The following NRCAM variants were observed in gnomAD, a reference collection of about 807,000 sequenced individuals.
NRCAM encodes NgCAM-related cell adhesion molecule.
In NRCAM, 83 loss-of-function variants were observed where a neutral mutation model predicts 156.5. That is an observed-to-expected ratio of 0.53 (90% CI 0.44 to 0.64). The LOEUF (loss-of-function observed/expected upper bound fraction) is 0.64, where lower values mean the gene tolerates loss of function less well. Ranked by LOEUF, NRCAM falls within the 30% of genes least tolerant of loss-of-function variation. The pLI is 0.00. For synonymous variants in NRCAM, 538 were observed against 563.9 expected (o/e 0.95, Z 0.65); for missense variants, 1,417 against 1,597.3 (o/e 0.89, Z 1.92).
chr7:108,413,936 G>T (rs908588800), intron 1 of NRCAM, among the ~76,000 whole-genome samples: 40 of 152,200 alleles, frequency 2.6e-4, no homozygotes, highest in African/African-American at 9.4e-4. Context: ...CTCTGACTCA[G>T]CCTCTGTCAT....
At chr7:108,340,977 C>T (rs762593219) in intron 2 of NRCAM, among the ~76,000 whole-genome samples, 32 of 152,254 alleles carry the variant, frequency 2.1e-4, no homozygotes, top group Admixed American at 7.8e-4. Context: ...AAAAGGCTAC[C>T]GCTTTAGTTA....
intron 2 of NRCAM, among the ~76,000 whole-genome samples, chr7:108,367,791 T>C (rs2099600890): frequency 6.6e-6 from 1 of 152,344 alleles, no homozygotes; most frequent in Middle Eastern, 3.4e-3. Context: ...CAATGTGTCA[T>C]ATAAATAGTC....
Position 108,194,141 on chromosome 7 carries a change from T to C in NRCAM, c.1661A>G (p.Tyr554Cys), listed in dbSNP as rs1435674166. Residue 554 changes from tyrosine (Y) to cysteine (C), a missense_variant, in exon 17 of 33, where the codon TAT (tyrosine) becomes TGT (cysteine). By Grantham distance (194) the Tyr-to-Cys change is radical. This residue lies in a region of NRCAM where 1,238 missense variants were observed against 1,336.4 expected (regional missense o/e 0.93). Coordinates refer to ENST00000379028, the MANE Select transcript of NRCAM (RefSeq NM_001037132.4). ...DPTWIVKQPEYAVVQRGSMVS... is the reference protein window; with the variant it reads ...DPTWIVKQPECAVVQRGSMVS... ...CATGCTCCCTCTTTGCACAACTGCA[T>C]ATTCGGGCTGTTTAACGATCCATGT... 6.2e-7 allele frequency: 1 copy of C among 1,614,128 alleles called. No individual in the cohort carries two copies. Among genetic ancestry groups the C allele is most frequent in the Non-Finnish European group, 8.5e-7 (1 of 1,179,926 alleles).
At chr7:108,246,441 G>C (rs1202120640) in intron 3 of NRCAM, among the ~76,000 whole-genome samples, 3 of 152,164 alleles carry the variant, frequency 2.0e-5, no homozygotes, top group African/African-American at 7.2e-5. Flanking sequence ...GACAGAGAGA[G>C]AGTGAGTCAG....
chr7:108,284,005 T>C (rs1269726431), intron 3 of NRCAM, among the ~76,000 whole-genome samples: 1 of 152,036 alleles, frequency 6.6e-6, no homozygotes, highest in Non-Finnish European at 1.5e-5. Flanking sequence ...CCACCAAACC[T>C]GGCTAATATT....
At chr7:108,384,024 T>C (rs1048827117) in intron 2 of NRCAM, among the ~76,000 whole-genome samples, 4 of 152,134 alleles carry the variant, frequency 2.6e-5, no homozygotes, top group African/African-American at 9.7e-5. Context: ...AGCCTCCAGC[T>C]CTTATAAGTG....
intron 3 of NRCAM, among the ~76,000 whole-genome samples, chr7:108,286,173 A>C (rs1235887996): frequency 1.2e-4 from 19 of 152,182 alleles, no homozygotes; most frequent in Admixed American, 1.2e-3. Flanking sequence ...ATCATGAAAT[A>C]TTATTCCTTT....
chr7:108,448,270 A>G (rs1022886436), intron 1 of NRCAM, among the ~76,000 whole-genome samples: 3 of 152,256 alleles, frequency 2.0e-5, no homozygotes, highest in African/African-American at 7.2e-5. Context: ...TGTTCACATT[A>G]GAGTATTTAT....
intron 2 of NRCAM, among the ~76,000 whole-genome samples, chr7:108,313,842 A>G (rs2098839743): frequency 6.6e-6 from 1 of 152,186 alleles, no homozygotes; most frequent in South Asian, 2.1e-4. Flanking sequence ...ATCTATAAGA[A>G]TTTTAAGATA....
chr7:108,448,267 A>AT (rs1269024214), intron 1 of NRCAM, among the ~76,000 whole-genome samples: 1 of 152,244 alleles, frequency 6.6e-6, no homozygotes, highest in Non-Finnish European at 1.5e-5. Context: ...TGTTGTTCAC[A>AT]TTAGAGTATT....
intron 2 of NRCAM, among the ~76,000 whole-genome samples, chr7:108,354,240 T>C (rs544041845): frequency 2.6e-5 from 4 of 152,208 alleles, no homozygotes; most frequent in African/African-American, 7.2e-5. Context: ...CAATTCACCA[T>C]ACAAAAGAAT....
intron 2 of NRCAM, among the ~76,000 whole-genome samples, chr7:108,341,357 C>T (rs185617944): frequency 1.3e-3 from 196 of 152,340 alleles, no homozygotes; most frequent in African/African-American, 4.4e-3. Context: ...CAGTCTTACT[C>T]TCCTGTCCCG....
chr7:108,174,161 T>C (rs931442968), intron 28 of NRCAM, among the ~76,000 whole-genome samples: 4 of 152,240 alleles, frequency 2.6e-5, no homozygotes, highest in African/African-American at 9.6e-5. Flanking sequence ...TACATCGCTC[T>C]GTGATATAGA....
At chr7:108,255,066 A>C (rs1358707553) in intron 3 of NRCAM, among the ~76,000 whole-genome samples, 1 of 152,238 alleles carries the variant, frequency 6.6e-6, no homozygotes, top group Non-Finnish European at 1.5e-5. Flanking sequence ...ATGGAAAAGT[A>C]TTCAGCAATA....
intron 1 of NRCAM, among the ~76,000 whole-genome samples, chr7:108,453,070 T>C (rs1429603405): frequency 6.6e-6 from 1 of 152,242 alleles, no homozygotes; most frequent in Non-Finnish European, 1.5e-5. Flanking sequence ...ATGATAAAAT[T>C]AGAATTAATC....
chr7:108,185,126 C>CTAA (rs1346223563), intron 20 of NRCAM, among the ~76,000 whole-genome samples: 1 of 152,050 alleles, frequency 6.6e-6, no homozygotes, highest in Non-Finnish European at 1.5e-5. Flanking sequence ...AAAGGTTTAA[C>CTAA]ACACTTCGTT....
intron 11 of NRCAM, among the ~76,000 whole-genome samples, chr7:108,221,484 G>C (rs1470519458): frequency 2.0e-5 from 3 of 152,016 alleles, no homozygotes; most frequent in Non-Finnish European, 4.4e-5. Flanking sequence ...TAAAGAAACT[G>C]TGGTATATAT....
At chr7:108,305,109 G>T (rs539380797) in intron 3 of NRCAM, among the ~76,000 whole-genome samples, 3 of 152,246 alleles carry the variant, frequency 2.0e-5, no homozygotes, top group East Asian at 1.9e-4. Context: ...TTTCCTTAGG[G>T]ATGACTTCTG....
intron 28 of NRCAM, among the ~76,000 whole-genome samples, chr7:108,168,996 G>A (rs966952343): frequency 6.6e-6 from 1 of 152,194 alleles, no homozygotes; most frequent in African/African-American, 2.4e-5. Flanking sequence ...TGGATGGTAA[G>A]GGTATGTTGG....
Sources: gnomAD v4.1 joint callset for allele counts (sites outside exome capture counted in the v4.1 genomes callset) on GRCh38, gnomAD v4.1.1 for gene constraint, gnomAD v4.1.1 regional missense constraint, MANE v1.5 for transcripts, NCBI Gene and HGNC (gene_info 2026-07-23, HGNC 2026-07-21) for gene names.